SORCS1: variants seen among roughly 807,000 people sequenced by gnomAD.
SORCS1 encodes the protein VPS10 domain-containing receptor SorCS1.
A neutral mutation model predicts 146.1 loss-of-function variants in SORCS1; 60 were observed. The observed-to-expected ratio is 0.41, with a 90% CI of 0.33 to 0.51. The LOEUF (loss-of-function observed/expected upper bound fraction) is 0.51. Among genes scored for constraint, SORCS1 ranks in the 20% least tolerant of loss-of-function variants. SORCS1 has a pLI of 0.21. For synonymous variants in SORCS1, 637 were observed against 584.0 expected, an observed-to-expected ratio of 1.09 and a Z score of -1.31; for missense variants, 1,352 against 1,487.6, an observed-to-expected ratio of 0.91 and a Z score of 1.50.
At chr10:106,897,068 T>A (rs1461413086) in intron 2 of SORCS1, among the ~76,000 whole-genome samples, 1 of 151,886 alleles carries the variant, frequency 6.6e-6, no homozygotes, top group Non-Finnish European at 1.5e-5. Context: ...TTTTTTTGTA[T>A]TTTTTTAGTA....
At chr10:106,855,920 C>T (rs72827207) in intron 2 of SORCS1, among the ~76,000 whole-genome samples, 2,506 of 152,144 alleles carry the variant, frequency 0.016, 36 homozygotes, top group South Asian at 0.037. Context: ...TTGTTTGCCT[C>T]TTAGAATGCC....
At chr10:106,774,855 A>C (rs1860307005) in intron 4 of SORCS1, among the ~76,000 whole-genome samples, 1 of 152,216 alleles carries the variant, frequency 6.6e-6, no homozygotes, top group Non-Finnish European at 1.5e-5. Context: ...CATGGCACTT[A>C]AAAGAGATGT....
intron 1 of SORCS1, among the ~76,000 whole-genome samples, chr10:107,118,312 A>C (rs146646652): frequency 0.024 from 3,700 of 152,236 alleles, 84 homozygotes; most frequent in African/African-American, 0.052. Flanking sequence ...GTGAGAAATA[A>C]ATTTCTGTTG....
intron 14 of SORCS1, among the ~76,000 whole-genome samples, chr10:106,674,093 G>C (rs758180801): frequency 2.7e-5 from 4 of 149,576 alleles, no homozygotes; most frequent in African/African-American, 4.9e-5. Flanking sequence ...GAGGCAGGTG[G>C]ATCACAAGGT....
chr10:107,138,454 T>A (rs1226421458), intron 1 of SORCS1, among the ~76,000 whole-genome samples: 1 of 152,220 alleles, frequency 6.6e-6, no homozygotes, highest in Non-Finnish European at 1.5e-5. Context: ...TTTTCCTTGC[T>A]TGCTCCAACC....
chr10:107,084,496 T>A (rs1963614427), intron 1 of SORCS1, among the ~76,000 whole-genome samples: 1 of 151,976 alleles, frequency 6.6e-6, no homozygotes, highest in African/African-American at 2.4e-5. Flanking sequence ...AGACTGCAGA[T>A]GTGTTTGTGT....
intron 1 of SORCS1, among the ~76,000 whole-genome samples, chr10:107,074,145 C>G (rs11817401): frequency 6.6e-6 from 1 of 152,132 alleles, no homozygotes; most frequent in South Asian, 2.1e-4. Flanking sequence ...ACCATTATAA[C>G]ATACGAAGTA....
intron 1 of SORCS1, among the ~76,000 whole-genome samples, chr10:107,005,777 T>C (rs2149198): frequency 0.15 from 22,904 of 152,190 alleles, 5,654 homozygotes; most frequent in African/African-American, 0.52. Context: ...AAAATAGGCA[T>C]ATGATTCTCA....
chr10:107,174,800 A>G, the SORCS1 span, among the ~76,000 whole-genome samples: 1 of 152,162 alleles, frequency 6.6e-6, no homozygotes, highest in Admixed American at 6.5e-5. Context: ...CAAGATGAAT[A>G]TGATATTGAA....
intron 2 of SORCS1, among the ~76,000 whole-genome samples, chr10:106,912,491 T>C (rs1424814182): frequency 1.3e-5 from 2 of 152,154 alleles, no homozygotes; most frequent in African/African-American, 4.8e-5. Flanking sequence ...TTTCAATAGG[T>C]ATCCCAGAGC....
intron 2 of SORCS1, among the ~76,000 whole-genome samples, chr10:106,865,192 C>A (rs1288307714): frequency 6.6e-6 from 1 of 152,156 alleles, no homozygotes; most frequent in Non-Finnish European, 1.5e-5. Flanking sequence ...GTCCCTGATC[C>A]AGTTCCTCTT....
At chr10:106,685,459 GAA>G (rs1239748580) in intron 10 of SORCS1, among the ~76,000 whole-genome samples, 2 of 151,820 alleles carry the variant, frequency 1.3e-5, no homozygotes, top group Non-Finnish European at 2.9e-5. Flanking sequence ...GGACCATGAA[GAA>G]AAAAAGAGTT....
chr10:107,112,378 A>ATTTGC (rs1965756510), intron 1 of SORCS1, among the ~76,000 whole-genome samples: 1 of 152,100 alleles, frequency 6.6e-6, no homozygotes, highest in Admixed American at 6.5e-5. Flanking sequence ...GAAAGGAAGA[A>ATTTGC]ATCTCTAGTA....
chr10:106,700,111 C>T (rs1446405761), intron 8 of SORCS1, among the ~76,000 whole-genome samples: 1 of 152,110 alleles, frequency 6.6e-6, no homozygotes, highest in Non-Finnish European at 1.5e-5. Context: ...TGCAGGAATC[C>T]TCCAGTGAAA....
At chr10:106,603,482 G>A (rs150408765) in intron 23 of SORCS1, among the ~76,000 whole-genome samples, 1 of 152,316 alleles carries the variant, frequency 6.6e-6, no homozygotes, top group East Asian at 1.9e-4. Flanking sequence ...CTCGATCCAA[G>A]CCAGCATCGC....
chr10:107,128,036 T>G (rs1966810943), intron 1 of SORCS1, among the ~76,000 whole-genome samples: 1 of 152,230 alleles, frequency 6.6e-6, no homozygotes, highest in South Asian at 2.1e-4. Context: ...GGACTGGAAC[T>G]CAGGAGGATC....
intron 2 of SORCS1, among the ~76,000 whole-genome samples, chr10:106,876,268 T>C (rs963430662): frequency 1.3e-5 from 2 of 152,180 alleles, no homozygotes; most frequent in Non-Finnish European, 2.9e-5. Context: ...TTGTGCTTTA[T>C]TATTGTTTGC....
chr10:106,622,087 C>A (rs147680981), intron 19 of SORCS1, among the ~76,000 whole-genome samples: 1 of 151,904 alleles, frequency 6.6e-6, no homozygotes, highest in African/African-American at 2.4e-5. Context: ...GTCAAGAGAT[C>A]GAAACCATCC....
intron 2 of SORCS1, among the ~76,000 whole-genome samples, chr10:106,934,321 G>A (rs940875594): frequency 2.6e-5 from 4 of 151,782 alleles, no homozygotes; most frequent in East Asian, 3.9e-4. Flanking sequence ...GCAGTGGTGC[G>A]ATCTCAGATC....
Sources: gnomAD v4.1 joint callset for allele counts (sites outside exome capture counted in the v4.1 genomes callset) on GRCh38, gnomAD v4.1.1 for gene constraint, MANE v1.5 for transcripts, NCBI Gene and HGNC (gene_info 2026-07-23, HGNC 2026-07-21) for gene names.